Variants in IL17C observed in about 807,000 individuals in gnomAD.
IL17C encodes interleukin 17C.
In IL17C, 13 loss-of-function variants were observed where a neutral mutation model predicts 11.0. The observed-to-expected ratio is 1.18, with a 90% CI of 0.77 to 1.88. IL17C has a LOEUF of 1.88. IL17C is among the 40% of genes most tolerant of loss of function. The probability of loss-of-function intolerance (pLI) is 0.00; values close to 1 mark genes in which losing one functional copy is unlikely to be tolerated. For missense variants in IL17C, 357 were observed against 278.2 expected (o/e 1.28, Z -2.01); for synonymous variants, 150 against 125.8 (o/e 1.19, Z -1.29).
chr16:88,640,127 C>A lies in IL17C; in HGVS notation c.*55C>A. 6.7e-7 allele frequency: 1 copy of A among 1,497,404 alleles called. No homozygotes were observed. Among genetic ancestry groups the A allele is most frequent in the Non-Finnish European group, 8.9e-7 (1 of 1,122,332 alleles). 92.8% of individuals were successfully genotyped at this position (1,497,404 alleles called of 1,614,324 possible). ...ACACGTGTGCTCCCCAGAGGGCACC[C>A]CCTATTTATGTGTATTTATTGTTAT... On this transcript the variant is annotated 3_prime_UTR_variant, in exon 3 of 3. Coordinates refer to ENST00000244241, the MANE Select transcript of IL17C (RefSeq NM_013278.4).
In IL17C at chr16:88,639,215, A is replaced by G. The variant is rs1597368694; in HGVS notation, c.241A>G (p.Arg81Gly). The G allele has an allele frequency of 1.2e-6, 2 of 1,612,614 alleles. No individual in the cohort carries two copies. The highest frequency in any genetic ancestry group is 1.7e-6 in the Non-Finnish European group (2 of 1,179,860). ...AGCAAGCCACAGGGGGAGGCACGAG[A>G]GGCCCTCAGCTACGACCCAGTGCCC... ...EAASHRGRHE[R>G]PSATTQCPVL... Residue 81 changes from arginine to glycine, a missense_variant, in exon 2 of 3, where the codon AGG becomes GGG. Coordinates refer to ENST00000244241, the MANE Select transcript of IL17C (RefSeq NM_013278.4). This position sits in a 1 kb window ranked among gnomAD's most constrained non-coding sequence, Gnocchi z 5.1.
intron 1 of IL17C, 52 bp from the exon 2 acceptor site, chr16:88,638,929 G>A: frequency 1.4e-6 from 2 of 1,451,552 alleles, no homozygotes; most frequent in Non-Finnish European, 1.9e-6. Flanking sequence ...GTGGAAGTGA[G>A]GTGCCCCCTG....
At position 88,639,337 on chromosome 16, in the gene IL17C, G is replaced by T; in HGVS notation, c.335+28G>T. 2.0e-6 allele frequency: 3 copies of T among 1,525,296 alleles called. No individual in the cohort carries two copies. The highest frequency in any genetic ancestry group is 2.6e-6 in the Non-Finnish European group (3 of 1,135,614). 94.5% of individuals were successfully genotyped at this position (1,525,296 alleles called of 1,614,324 possible). On this transcript the variant is annotated intron_variant, in intron 2 of 2. Transcript: ENST00000244241. The surrounding 1 kb of genome is among the most constrained non-coding windows in gnomAD (Gnocchi z 5.1). Reference sequence around the variant, plus strand: ...GAGGACCTGGGGATTCCGCTGTGGCGTGGGGCTGCCCCTCCCCTGGCGGGG... The same window carrying T: ...GAGGACCTGGGGATTCCGCTGTGGCTTGGGGCTGCCCCTCCCCTGGCGGGG...
In IL17C at chr16:88,639,872, A is replaced by C. The variant is rs1907007452; in HGVS notation, c.394A>C (p.Arg132=). Residue 132 remains arginine, a synonymous_variant, in exon 3 of 3, where the codon AGA becomes CGA. Transcript: ENST00000244241. This position sits in a 1 kb window ranked among gnomAD's most constrained non-coding sequence, Gnocchi z 5.1. ...QKLAFAECLC[R]GCIDARTGRE... is the part of the protein sequence containing the mutation. Reference sequence around the variant, plus strand: ...GCTGGCCTTCGCCGAGTGCCTGTGCAGAGGCTGTATCGATGCACGGACGGG... The same window carrying C: ...GCTGGCCTTCGCCGAGTGCCTGTGCCGAGGCTGTATCGATGCACGGACGGG... 1 of 1,604,390 alleles carries C rather than the reference A, an allele frequency of 6.2e-7. No homozygotes were observed. The highest frequency in any genetic ancestry group is 8.5e-7 in the Non-Finnish European group (1 of 1,176,714).
At position 88,639,626 on chromosome 16, in the gene IL17C, CT is replaced by C. The variant is rs1275543623; in HGVS notation, c.336-187del. Reference sequence around the variant, plus strand: ...AGAGGCCTCCGGACCCTGCTCTGTGCTCTTGGAGGGCCCTGGGGAGACGTGG... The same window carrying C: ...AGAGGCCTCCGGACCCTGCTCTGTGCCTTGGAGGGCCCTGGGGAGACGTGG... On this transcript the variant is annotated intron_variant, in intron 2 of 2. Coordinates refer to ENST00000244241, the MANE Select transcript of IL17C (RefSeq NM_013278.4). This position sits in a 1 kb window ranked among gnomAD's most constrained non-coding sequence, Gnocchi z 5.1. Among the ~76,000 whole-genome samples the C allele has an allele frequency of 6.6e-6, 1 of 152,154 alleles. No individual in the cohort carries two copies. Among genetic ancestry groups the C allele is most frequent in the African/African-American group, 2.4e-5 (1 of 41,434 alleles).
At position 88,639,584 on chromosome 16, in the gene IL17C, G is replaced by T. The variant is rs1325975141; in HGVS notation, c.336-230G>T. 6.6e-6 allele frequency among the ~76,000 whole-genome samples: 1 copy of T among 152,158 alleles called. No homozygotes were observed. Among genetic ancestry groups the T allele is most frequent in the East Asian group, 1.9e-4 (1 of 5,190 alleles). On this transcript the variant is annotated intron_variant, in intron 2 of 2. Transcript: ENST00000244241. The surrounding 1 kb of genome is among the most constrained non-coding windows in gnomAD (Gnocchi z 5.1). ...TGCAGAAGTGGGGCTGGGTGATGAA[G>T]TGGAAGGGAGGCTCCTAGAGGCCTC... is the stretch of plus-strand genomic sequence containing the variant.
chr16:88,639,972 G>A lies in IL17C; in HGVS notation c.494G>A (p.Arg165His), dbSNP rs570996098. 54 of 1,609,862 alleles carry A rather than the reference G, an allele frequency of 3.4e-5. No individual in the cohort carries two copies. Among genetic ancestry groups the A allele is most frequent in the African/African-American group, 9.3e-5 (7 of 74,968 alleles). ...GTGCTGCGCCGCCGGCCCTGCTCCC[G>A]CGACGGCTCGGGGCTCCCCACACCT... The part of the protein sequence containing the change: ...LLVLRRRPCS[R>H]DGSGLPTPGA... Residue 165 changes from arginine to histidine, a missense_variant, in exon 3 of 3, where the codon CGC (arginine) becomes CAC (histidine). Coordinates refer to ENST00000244241, the MANE Select transcript of IL17C (RefSeq NM_013278.4). This position sits in a 1 kb window ranked among gnomAD's most constrained non-coding sequence, Gnocchi z 5.1.
rs1460492321 is a variant in IL17C, at chr16:88,639,205, G to T, written c.231G>T (p.Gly77=). 2 of 1,612,654 alleles carry T rather than the reference G, an allele frequency of 1.2e-6. No individual in the cohort carries two copies. The highest frequency in any genetic ancestry group is 2.7e-5 in the African/African-American group (2 of 74,934). The part of the protein sequence containing the change: ...VSSLEAASHR[G]RHERPSATTQ... ...GCCTGGAGGCAGCAAGCCACAGGGG[G>T]AGGCACGAGAGGCCCTCAGCTACGA... The change falls in exon 2 of 3, where the codon GGG becomes GGT. Residue 77 remains glycine, a synonymous_variant. Transcript: ENST00000244241. This position sits in a 1 kb window ranked among gnomAD's most constrained non-coding sequence, Gnocchi z 5.1.
At chr16:88,638,749 G>A (rs773198737) in intron 1 of IL17C, 102 bp downstream of exon 1, 99 of 1,571,072 alleles carry the variant, frequency 6.3e-5, no homozygotes, top group Non-Finnish European at 8.0e-5. Flanking sequence ...TGTTGGGATG[G>A]GGTCTGGGAA....
Position 88,640,361 on chromosome 16 carries a change from C to T in IL17C, c.*289C>T. The T allele has an allele frequency of 2.5e-6, 1 of 398,284 alleles. No individual in the cohort carries two copies. The highest frequency in any genetic ancestry group is 4.5e-6 in the Non-Finnish European group (1 of 222,536). The allele number at this position is 398,284 out of a possible 1,614,324, so 24.7% of individuals were successfully genotyped here. A position where few individuals can be genotyped will look rare whatever the true frequency, so the allele number is the denominator to read the frequency against. On this transcript the variant is annotated 3_prime_UTR_variant, in exon 3 of 3. Coordinates refer to ENST00000244241, the MANE Select transcript of IL17C (RefSeq NM_013278.4). The stretch of plus-strand genomic sequence containing the variant: ...CTGCTCCCGGCTTCCCTTACCCTAT[C>T]ACTGGCCTCAGGCCCCCGCAGGCTG...
rs374913351 is a variant in IL17C at position 88,640,228 on chromosome 16, C to T, written c.*156C>T. The T allele has an allele frequency of 2.7e-4, 214 of 786,320 alleles. No individual in the cohort carries two copies. The highest frequency in any genetic ancestry group is 9.4e-4 in the South Asian group (47 of 50,192). The allele number at this position is 786,320 out of a possible 1,614,324, so 48.7% of individuals were successfully genotyped here. A position where few individuals can be genotyped will look rare whatever the true frequency, so the allele number is the denominator to read the frequency against. On this transcript the variant is annotated 3_prime_UTR_variant, in exon 3 of 3. Coordinates refer to ENST00000244241, the MANE Select transcript of IL17C (RefSeq NM_013278.4). ...TGGAGGACAGCCCCCCACTGTTCTC[C>T]TCATCTCCAGCCTCAGTAGTTGGGG... is the stretch of plus-strand genomic sequence containing the variant.
Position 88,639,199 on chromosome 16 carries a change from C to G in IL17C, c.225C>G (p.His75Gln), listed in dbSNP as rs201245608. 623 of 1,612,796 alleles carry G rather than the reference C, an allele frequency of 3.9e-4. 5 individuals are homozygous for G. Among genetic ancestry groups the G allele is most frequent in the East Asian group, 3.6e-3 (163 of 44,882 alleles). Residue 75 changes from histidine to glutamine, a missense_variant, in exon 2 of 3, where the codon CAC becomes CAG. Coordinates refer to ENST00000244241, the MANE Select transcript of IL17C (RefSeq NM_013278.4). The surrounding 1 kb of genome is among the most constrained non-coding windows in gnomAD (Gnocchi z 5.1). ...ALVSSLEAASHRGRHERPSAT... is the reference protein window; with the variant it reads ...ALVSSLEAASQRGRHERPSAT... ...TGTCCAGCCTGGAGGCAGCAAGCCACAGGGGGAGGCACGAGAGGCCCTCAG... is the reference window on the plus strand; with the variant it reads ...TGTCCAGCCTGGAGGCAGCAAGCCAGAGGGGGAGGCACGAGAGGCCCTCAG...
Position 88,639,595 on chromosome 16 carries a change from G to A in IL17C, c.336-219G>A, listed in dbSNP as rs11465494. The stretch of plus-strand genomic sequence containing the variant: ...GGCTGGGTGATGAAGTGGAAGGGAG[G>A]CTCCTAGAGGCCTCCGGACCCTGCT... On this transcript the variant is annotated intron_variant, in intron 2 of 2. Coordinates refer to ENST00000244241, the MANE Select transcript of IL17C (RefSeq NM_013278.4). The surrounding 1 kb of genome is among the most constrained non-coding windows in gnomAD (Gnocchi z 5.1). 6.6e-6 allele frequency among the ~76,000 whole-genome samples: 1 copy of A among 152,150 alleles called. No homozygotes were observed. Among genetic ancestry groups the A allele is most frequent in the African/African-American group, 2.4e-5 (1 of 41,430 alleles).
In IL17C at chr16:88,640,051, C is replaced by CGTGCTGCCCCGTTCA; in HGVS notation, c.577_591dup (p.Leu193_Val197dup). 1 of 1,576,790 alleles carries CGTGCTGCCCCGTTCA rather than the reference C, an allele frequency of 6.3e-7. No homozygotes were observed. The highest frequency in any genetic ancestry group is 8.6e-7 in the Non-Finnish European group (1 of 1,158,766). ...TCCACGTCCCCGTCGGCTGCACCTG[C>CGTGCTGCCCCGTTCA]GTGCTGCCCCGTTCAGTGTGACCGC... On this transcript the variant is annotated inframe_insertion, in exon 3 of 3. Coordinates refer to ENST00000244241, the MANE Select transcript of IL17C (RefSeq NM_013278.4).
At position 88,639,258 on chromosome 16, in the gene IL17C, A is replaced by T. The variant is rs772665988; in HGVS notation, c.284A>T (p.Glu95Val). 13 of 1,611,536 alleles carry T rather than the reference A, an allele frequency of 8.1e-6. 1 individual carries two copies. Among genetic ancestry groups the T allele is most frequent in the South Asian group, 4.4e-5 (4 of 90,972 alleles). Reference sequence around the variant, plus strand: ...CAGTGCCCGGTGCTGCGGCCGGAGGAGGTGTTGGAGGCAGACACCCACCAG... The same window carrying T: ...CAGTGCCCGGTGCTGCGGCCGGAGGTGGTGTTGGAGGCAGACACCCACCAG... Reference protein sequence around the residue: ...TTQCPVLRPEEVLEADTHQRS... With the variant: ...TTQCPVLRPEVVLEADTHQRS... Residue 95 changes from glutamate to valine, a missense_variant, in exon 2 of 3, where the codon GAG (glutamate) becomes GTG (valine). Glu to Val is a moderately radical substitution (Grantham distance 121). Coordinates refer to ENST00000244241, the MANE Select transcript of IL17C (RefSeq NM_013278.4). This position sits in a 1 kb window ranked among gnomAD's most constrained non-coding sequence, Gnocchi z 5.1.
chr16:88,639,552 G>A lies in IL17C; in HGVS notation c.335+243G>A, dbSNP rs1275528446. Among the ~76,000 whole-genome samples the A allele has an allele frequency of 6.6e-6, 1 of 152,130 alleles. No homozygotes were observed. The highest frequency in any genetic ancestry group is 1.5e-5 in the Non-Finnish European group (1 of 68,010). The stretch of plus-strand genomic sequence containing the variant: ...TGGGGAAATTCTGGGCCCGTCACCT[G>A]AGCTCCTGCAGAAGTGGGGCTGGGT... On this transcript the variant is annotated intron_variant, in intron 2 of 2. Coordinates refer to ENST00000244241, the MANE Select transcript of IL17C (RefSeq NM_013278.4). This position sits in a 1 kb window ranked among gnomAD's most constrained non-coding sequence, Gnocchi z 5.1.
At position 88,640,088 on chromosome 16, in the gene IL17C, G is replaced by A. The variant is rs560680916; in HGVS notation, c.*16G>A. 36 of 1,536,844 alleles carry A rather than the reference G, an allele frequency of 2.3e-5. No individual in the cohort carries two copies. Among genetic ancestry groups the A allele is most frequent in the Admixed American group, 4.0e-5 (2 of 50,472 alleles). On this transcript the variant is annotated 3_prime_UTR_variant, in exon 3 of 3. Coordinates refer to ENST00000244241, the MANE Select transcript of IL17C (RefSeq NM_013278.4). ...TTCAGTGTGACCGCCGAGGCCGTGGGGCCCCTAGACTGGACACGTGTGCTC... is the reference window on the plus strand; with the variant it reads ...TTCAGTGTGACCGCCGAGGCCGTGGAGCCCCTAGACTGGACACGTGTGCTC...
rs776291170 is a variant in IL17C, at chr16:88,639,134, C to A, written c.160C>A (p.Arg54=). Residue 54 remains arginine, a synonymous_variant, in exon 2 of 3, where the codon CGA becomes AGA. Transcript: ENST00000244241. The surrounding 1 kb of genome is among the most constrained non-coding windows in gnomAD (Gnocchi z 5.1). ...LGQAPPHLLA[R]GAKWGQALPV... ...CCAGGCCCCCCCACACCTGCTGGCT[C>A]GAGGTGCCAAGTGGGGGCAGGCTTT... 5.6e-6 allele frequency: 9 copies of A among 1,612,920 alleles called. No homozygotes were observed. The highest frequency in any genetic ancestry group is 1.7e-5 in the Admixed American group (1 of 59,990).
At chr16:88,638,915 T>C in intron 1 of IL17C, 66 bp from the exon 2 acceptor site, 1 of 1,392,778 alleles carries the variant, frequency 7.2e-7, no homozygotes, top group South Asian at 1.3e-5. Flanking sequence ...CAAGGAAAGC[T>C]GAGGTGGAAG....
Sources: gnomAD v4.1 joint callset for allele counts (sites outside exome capture counted in the v4.1 genomes callset) on GRCh38, gnomAD v4.1.1 for gene constraint, Gnocchi (gnomAD v3.1) non-coding constraint, MANE v1.5 for transcripts, NCBI Gene and HGNC (gene_info 2026-07-23, HGNC 2026-07-21) for gene names.